Variants in GPHN observed in about 807,000 individuals in gnomAD.
GPHN encodes gephyrin.
Under a neutral mutation model 95.5 loss-of-function variants are expected in GPHN, and 17 were observed. The ratio of observed to expected loss-of-function variants is 0.18; its 90% CI spans 0.12 to 0.27. The LOEUF is 0.27. Among genes scored for constraint, GPHN ranks in the 10% least tolerant of loss-of-function variants. The pLI is 1.00. For synonymous variants in GPHN, 320 were observed against 322.5 expected (o/e 0.99, Z 0.08); for missense variants, 660 against 978.1 (o/e 0.67, Z 4.34).
intron 18 of GPHN, among the ~76,000 whole-genome samples, chr14:67,151,713 G>A (rs2081298670): frequency 6.6e-6 from 1 of 152,130 alleles, no homozygotes; most frequent in Non-Finnish European, 1.5e-5. Flanking sequence ...GCATGATCTT[G>A]GTTCACTGCA....
chr14:67,251,611 A>G, the GPHN span, among the ~76,000 whole-genome samples: 25,242 of 152,172 alleles, frequency 0.17, 4,024 homozygotes, highest in East Asian at 0.43. Context: ...TAAGGGTAGG[A>G]TAGTGGGTTG....
At chr14:66,986,926 A>G (rs540248899) in intron 9 of GPHN, among the ~76,000 whole-genome samples, 4 of 152,278 alleles carry the variant, frequency 2.6e-5, no homozygotes, top group East Asian at 3.9e-4. Context: ...GCGCACGCAC[A>G]TGAGTGCACA....
chr14:67,224,926 T>C, the GPHN span: 3 of 474,882 alleles, frequency 6.3e-6, no homozygotes, highest in South Asian at 8.7e-5. Flanking sequence ...AATTCAACAA[T>C]AAGCTCCATT....
intron 3 of GPHN, among the ~76,000 whole-genome samples, chr14:66,809,747 A>G (rs2060687181): frequency 6.6e-6 from 1 of 152,124 alleles, no homozygotes; most frequent in Non-Finnish European, 1.5e-5. Flanking sequence ...CTATTCACTT[A>G]ACTGAGAGTA....
the GPHN span, among the ~76,000 whole-genome samples, chr14:67,529,561 A>T: frequency 6.6e-6 from 1 of 152,124 alleles, no homozygotes; most frequent in African/African-American, 2.4e-5. Context: ...ACACATATAC[A>T]CGCTCACACA....
the GPHN span, among the ~76,000 whole-genome samples, chr14:67,240,394 G>A: frequency 6.6e-6 from 1 of 152,186 alleles, no homozygotes; most frequent in African/African-American, 2.4e-5. Flanking sequence ...ACAAAATGAG[G>A]AAAACCGAGA....
chr14:67,175,685 T>C (rs1200063829), intron 21 of GPHN, among the ~76,000 whole-genome samples: 1 of 152,168 alleles, frequency 6.6e-6, no homozygotes, highest in African/African-American at 2.4e-5. Flanking sequence ...GCCATTTTCA[T>C]GATATTGATT....
At chr14:67,490,049 T>C in the GPHN span, among the ~76,000 whole-genome samples, 21 of 152,146 alleles carry the variant, frequency 1.4e-4, no homozygotes, top group African/African-American at 4.8e-4. Context: ...ATGAATTTCT[T>C]GAGATCATAA....
At chr14:66,912,002 T>C (rs954977931) in intron 5 of GPHN, among the ~76,000 whole-genome samples, 7 of 152,094 alleles carry the variant, frequency 4.6e-5, no homozygotes, top group African/African-American at 1.7e-4. Context: ...TCCAAACAAC[T>C]TTCTACTTTG....
chr14:67,404,178 C>T, the GPHN span, among the ~76,000 whole-genome samples: 8 of 152,090 alleles, frequency 5.3e-5, no homozygotes, highest in Non-Finnish European at 1.0e-4. Flanking sequence ...CAACATAGTG[C>T]CTGGTGTAGC....
chr14:67,503,199 A>G, the GPHN span, among the ~76,000 whole-genome samples: 1 of 152,230 alleles, frequency 6.6e-6, no homozygotes, highest in African/African-American at 2.4e-5. Flanking sequence ...AAGAGGAGTT[A>G]AAAGATCCTA....
At chr14:66,573,224 T>G (rs1191369012) in intron 1 of GPHN, among the ~76,000 whole-genome samples, 1 of 152,174 alleles carries the variant, frequency 6.6e-6, no homozygotes, top group Non-Finnish European at 1.5e-5. Context: ...TGGTCCATAG[T>G]GCTGTTTGAT....
At chr14:66,693,181 A>G (rs1595574155) in intron 2 of GPHN, among the ~76,000 whole-genome samples, 1 of 152,134 alleles carries the variant, frequency 6.6e-6, no homozygotes, top group Admixed American at 6.6e-5. Flanking sequence ...AAAGATAGCT[A>G]AATTTTCAAA....
the GPHN span, chr14:67,301,420 A>T: frequency 6.2e-7 from 1 of 1,610,770 alleles, no homozygotes; most frequent in Non-Finnish European, 8.5e-7. Flanking sequence ...GTTCATCATA[A>T]GGAAGGACAA....
intron 1 of GPHN, among the ~76,000 whole-genome samples, chr14:66,563,722 C>A (rs1466322496): frequency 6.6e-6 from 1 of 152,126 alleles, no homozygotes; most frequent in Non-Finnish European, 1.5e-5. Context: ...GTAGAAAAAA[C>A]TGCTGCTAAA....
chr14:66,760,521 G>A (rs2058719200), intron 2 of GPHN: 4 of 245,228 alleles, frequency 1.6e-5, no homozygotes, highest in African/African-American at 4.7e-5. Flanking sequence ...GGGGGCCCAC[G>A]CGGGTTCAAC....
chr14:66,851,507 T>C (rs1408444506), intron 4 of GPHN, among the ~76,000 whole-genome samples: 1 of 152,228 alleles, frequency 6.6e-6, no homozygotes, highest in Non-Finnish European at 1.5e-5. Flanking sequence ...TGATTCATAT[T>C]ATTTCATGTA....
At chr14:67,398,334 C>T in the GPHN span, among the ~76,000 whole-genome samples, 1 of 152,126 alleles carries the variant, frequency 6.6e-6, no homozygotes, top group Non-Finnish European at 1.5e-5. Flanking sequence ...AAGTGATCCT[C>T]CCACCTCAGA....
intron 11 of GPHN, among the ~76,000 whole-genome samples, chr14:67,078,393 C>G (rs2076574903): frequency 6.6e-6 from 1 of 152,114 alleles, no homozygotes; most frequent in Non-Finnish European, 1.5e-5. Context: ...TGTTTCTCTA[C>G]CAAATGCTAA....
Sources: allele counts gnomAD v4.1 joint callset (sites outside exome capture counted in the v4.1 genomes callset), GRCh38; gene constraint gnomAD v4.1.1; transcripts MANE v1.5; gene names NCBI Gene and HGNC (gene_info 2026-07-23, HGNC 2026-07-21).